Variants in GTF2E1 observed in about 807,000 individuals in gnomAD.
The protein encoded by GTF2E1 is general transcription factor IIE subunit 1.
In GTF2E1, 14 loss-of-function variants were observed where a neutral mutation model predicts 34.9. The observed-to-expected ratio is 0.40, with a 90% CI of 0.27 to 0.63. The LOEUF (loss-of-function observed/expected upper bound fraction) is 0.63. Among genes scored for constraint, GTF2E1 ranks in the 20% least tolerant of loss-of-function variants. GTF2E1 has a pLI of 0.39. For synonymous variants in GTF2E1, 188 were observed against 192.9 expected (o/e 0.97, Z 0.21); for missense variants, 469 against 557.7 (o/e 0.84, Z 1.60).
rs1224155103 is a variant in GTF2E1, at chr3:120,780,974, T to C, written c.893-69T>C. ...TATTATTTAAATATATGTTAAAATA[T>C]TGTCTATATGCTATAAAGAAATGCC... On this transcript the variant is annotated intron_variant, in intron 4 of 4. Coordinates refer to ENST00000283875, the MANE Select transcript of GTF2E1 (RefSeq NM_005513.3). 1.6e-5 allele frequency: 15 copies of C among 954,700 alleles called. No homozygotes were observed. The Admixed American group carries it at 2.9e-4, about 19-fold the overall frequency. The allele number at this position is 954,700 out of a possible 1,614,324, so 59.1% of individuals were successfully genotyped here. A position where few individuals can be genotyped will look rare whatever the true frequency, so the allele number is the denominator to read the frequency against.
At chr3:120,756,474 G>T (rs1323194697) in intron 2 of GTF2E1, among the ~76,000 whole-genome samples, 1 of 142,940 alleles carries the variant, frequency 7.0e-6, no homozygotes, top group African/African-American at 2.6e-5. Context: ...GAGTAAGGGG[G>T]GGAAATTTAT....
At chr3:120,753,812 C>G (rs1473383106) in intron 2 of GTF2E1, among the ~76,000 whole-genome samples, 1 of 152,194 alleles carries the variant, frequency 6.6e-6, no homozygotes, top group Non-Finnish European at 1.5e-5. Flanking sequence ...TCCATACTTT[C>G]CATTTAGATT....
chr3:120,781,148 C>A lies in GTF2E1; in HGVS notation c.998C>A (p.Ser333Tyr). The A allele has an allele frequency of 1.2e-6, 2 of 1,614,154 alleles. No individual in the cohort carries two copies. The highest frequency in any genetic ancestry group is 1.7e-6 in the Non-Finnish European group (2 of 1,180,016). Residue 333 changes from serine (S) to tyrosine (Y), a missense_variant, in exon 5 of 5, where the codon TCC becomes TAC. Physicochemically the swap from Ser to Tyr is moderately radical, Grantham distance 144. Transcript: ENST00000283875. ...CTGCTCATTCACGAGAAAAAGACTTCCTCTGCCATGGCTGGTTCAGTGGGG... is the reference window on the plus strand; with the variant it reads ...CTGCTCATTCACGAGAAAAAGACTTACTCTGCCATGGCTGGTTCAGTGGGG... Reference protein sequence around the residue: ...RALLIHEKKTSSAMAGSVGAA... With the variant: ...RALLIHEKKTYSAMAGSVGAA...
At chr3:120,754,962 G>A (rs762101411) in intron 2 of GTF2E1, among the ~76,000 whole-genome samples, 30 of 152,210 alleles carry the variant, frequency 2.0e-4, no homozygotes, top group Admixed American at 7.9e-4. Context: ...AATAAATCTA[G>A]GGGTATATAC....
Position 120,782,821 on chromosome 3 carries a change from GTTTA to G in GTF2E1, c.*1355_*1358del, listed in dbSNP as rs1240918106. ...TTGAGCATTGTAACCTCAGGAAACA[GTTTA>G]TTTTGGGTTCTGATATGTAGCATGG... On this transcript the variant is annotated 3_prime_UTR_variant, in exon 5 of 5. Coordinates refer to ENST00000283875, the MANE Select transcript of GTF2E1 (RefSeq NM_005513.3). The G allele has an allele frequency of 1.3e-5, 2 of 152,168 alleles. No homozygotes were observed. The highest frequency in any genetic ancestry group is 1.3e-4 in the Admixed American group (2 of 15,278). 9.4% of individuals were successfully genotyped at this position (152,168 alleles called of 1,614,324 possible).
rs1295675236 is a variant in GTF2E1, at chr3:120,743,469, A to C, written c.-31+675A>C. Among the ~76,000 whole-genome samples the C allele has an allele frequency of 2.6e-5, 4 of 152,208 alleles. No individual in the cohort carries two copies. The East Asian group carries it at 7.7e-4, about 29-fold the overall frequency. On this transcript the variant is annotated intron_variant, in intron 1 of 4. Transcript: ENST00000283875. Reference sequence around the variant, plus strand: ...AGCCATGTTGGAACAAAACGTGCCTAGGAGACATATGGAAAGTTTTATGGA... The same window carrying C: ...AGCCATGTTGGAACAAAACGTGCCTCGGAGACATATGGAAAGTTTTATGGA...
intron 1 of GTF2E1, among the ~76,000 whole-genome samples, chr3:120,743,736 A>C (rs995192127): frequency 1.3e-5 from 2 of 152,208 alleles, no homozygotes; most frequent in African/African-American, 2.4e-5. Flanking sequence ...CAGAAGGAAC[A>C]GCATGTGCAA....
At chr3:120,779,810 G>A (rs997341607) in intron 4 of GTF2E1, among the ~76,000 whole-genome samples, 2 of 152,110 alleles carry the variant, frequency 1.3e-5, no homozygotes, top group Admixed American at 6.5e-5. Flanking sequence ...AAATTGAAGC[G>A]GAGAGATGAA....
chr3:120,755,706 T>C (rs192661949), intron 2 of GTF2E1, among the ~76,000 whole-genome samples: 1 of 152,300 alleles, frequency 6.6e-6, no homozygotes, highest in East Asian at 1.9e-4. Context: ...TATCAAATAG[T>C]AGGTCTTATT....
chr3:120,776,634 G>T lies in GTF2E1; in HGVS notation c.862G>T (p.Gly288Trp). The change falls in exon 4 of 5, where the codon GGG becomes TGG. Residue 288 changes from glycine (G) to tryptophan (W), a missense_variant. Gly to Trp is a radical substitution (Grantham distance 184). Coordinates refer to ENST00000283875, the MANE Select transcript of GTF2E1 (RefSeq NM_005513.3). ...TTGGTTGAGAGAAAGCACTGTCCAA[G>T]GGGCATATGGTTCTGAAGATATGAA... ...PIWLRESTVQ[G>W]AYGSEDMKEG... is the part of the protein sequence containing the mutation. 1 of 1,613,640 alleles carries T rather than the reference G, an allele frequency of 6.2e-7. No individual in the cohort carries two copies. Among genetic ancestry groups the T allele is most frequent in the East Asian group, 2.2e-5 (1 of 44,872 alleles).
chr3:120,770,665 G>T (rs971704125), intron 2 of GTF2E1, 63 bp from the exon 3 acceptor site: 1 of 1,106,986 alleles, frequency 9.0e-7, no homozygotes, highest in Non-Finnish European at 1.4e-6. Flanking sequence ...TTGGGGGAGG[G>T]TGGAGGTATA....
In GTF2E1 at chr3:120,753,013, T is replaced by G. The variant is rs895367855; in HGVS notation, c.448+2013T>G. Among the ~76,000 whole-genome samples, 16 of 152,324 alleles carry G rather than the reference T, an allele frequency of 1.1e-4. No homozygotes were observed. The East Asian group carries it at 2.1e-3, about 20-fold the overall frequency. On this transcript the variant is annotated intron_variant, in intron 2 of 4. Transcript: ENST00000283875. Reference sequence around the variant, plus strand: ...TCATTCTGAGAACATACTTGCCTTTTTATTGTAACGTGGCTTTTCATTTAG... The same window carrying G: ...TCATTCTGAGAACATACTTGCCTTTGTATTGTAACGTGGCTTTTCATTTAG...
At chr3:120,772,475 G>C (rs752453174) in intron 3 of GTF2E1, among the ~76,000 whole-genome samples, 20 of 152,106 alleles carry the variant, frequency 1.3e-4, no homozygotes, top group Non-Finnish European at 1.0e-4. Flanking sequence ...TTTGGTACTG[G>C]TTATTTATTT....
intron 1 of GTF2E1, among the ~76,000 whole-genome samples, chr3:120,748,791 G>A (rs1187076799): frequency 2.0e-5 from 3 of 152,302 alleles, no homozygotes; most frequent in African/African-American, 7.2e-5. Flanking sequence ...TGTGAAGAAA[G>A]TCATTGGTAG....
At chr3:120,774,609 G>A (rs941017547) in intron 3 of GTF2E1, among the ~76,000 whole-genome samples, 1 of 147,548 alleles carries the variant, frequency 6.8e-6, no homozygotes, top group African/African-American at 2.5e-5. Context: ...ATGTGCAATT[G>A]TAGCATAAGA....
intron 2 of GTF2E1, among the ~76,000 whole-genome samples, chr3:120,751,843 T>A (rs1251961310): frequency 1.3e-5 from 2 of 152,182 alleles, no homozygotes; most frequent in African/African-American, 4.8e-5. Context: ...TTTGTTATGG[T>A]TGAATTCAGG....
intron 1 of GTF2E1, among the ~76,000 whole-genome samples, chr3:120,745,722 A>G (rs1316871480): frequency 4.6e-5 from 7 of 152,220 alleles, no homozygotes. Flanking sequence ...TCTTTGTTGA[A>G]TGTTTCTGAA....
intron 2 of GTF2E1, among the ~76,000 whole-genome samples, chr3:120,765,095 A>G (rs1165457484): frequency 6.6e-6 from 1 of 151,478 alleles, no homozygotes; most frequent in Non-Finnish European, 1.5e-5. Flanking sequence ...TAAAATTAAA[A>G]TGGTGTAGAA....
intron 4 of GTF2E1, among the ~76,000 whole-genome samples, chr3:120,777,243 G>A (rs529061601): frequency 4.1e-4 from 63 of 152,314 alleles, no homozygotes; most frequent in Non-Finnish European, 4.3e-4. Context: ...TTAGAGAACT[G>A]CAAGATTTTA....
Sources: allele counts gnomAD v4.1 joint callset (sites outside exome capture counted in the v4.1 genomes callset), GRCh38; gene constraint gnomAD v4.1.1; transcripts MANE v1.5; gene names NCBI Gene and HGNC (gene_info 2026-07-23, HGNC 2026-07-21).